Variants in SDHAF3 observed in about 807,000 individuals in gnomAD.
SDHAF3 encodes succinate dehydrogenase complex assembly factor 3.
In SDHAF3, 18 loss-of-function variants were observed where a neutral mutation model predicts 11.5. The observed-to-expected ratio is 1.56, with a 90% CI of 1.08 to 2.32. SDHAF3 has a LOEUF of 2.32. SDHAF3 is among the 30% of genes most tolerant of loss of function. SDHAF3 has a pLI of 0.00. For synonymous variants in SDHAF3, 72 were observed against 59.3 expected, an observed-to-expected ratio of 1.21 and a Z score of -0.99; for missense variants, 200 against 154.4, an observed-to-expected ratio of 1.30 and a Z score of -1.57.
intron 1 of SDHAF3, among the ~76,000 whole-genome samples, chr7:97,131,730 T>G (rs1168739877): frequency 6.6e-6 from 1 of 152,158 alleles, no homozygotes; most frequent in Non-Finnish European, 1.5e-5. Context: ...AAAGAACTTA[T>G]TTAGCTCAAT....
intron 1 of SDHAF3, among the ~76,000 whole-genome samples, chr7:97,139,084 T>C (rs1584215795): frequency 1.3e-5 from 2 of 152,370 alleles, no homozygotes; most frequent in East Asian, 1.9e-4. Flanking sequence ...TGCATCTCAC[T>C]GCATGGGGGC....
chr7:97,152,763 C>T (rs576804057), intron 1 of SDHAF3, among the ~76,000 whole-genome samples: 10 of 152,324 alleles, frequency 6.6e-5, no homozygotes, highest in African/African-American at 2.4e-4. Context: ...GATCCTTGTG[C>T]CTCAGCCTCC....
chr7:97,146,978 T>C (rs1178503391), intron 1 of SDHAF3, among the ~76,000 whole-genome samples: 4 of 152,132 alleles, frequency 2.6e-5, no homozygotes, highest in African/African-American at 7.2e-5. Context: ...CCTGACCTCG[T>C]GATCCACCCA....
chr7:97,127,773 C>T (rs1306372980), intron 1 of SDHAF3, among the ~76,000 whole-genome samples: 1 of 152,058 alleles, frequency 6.6e-6, no homozygotes, highest in African/African-American at 2.4e-5. Flanking sequence ...GATACATTTC[C>T]CAAGTATGAG....
chr7:97,132,312 CTTG>C (rs1345311984), intron 1 of SDHAF3, among the ~76,000 whole-genome samples: 3 of 152,102 alleles, frequency 2.0e-5, no homozygotes, highest in African/African-American at 7.2e-5. Context: ...TGTATGATTT[CTTG>C]TTGAGTTTTG....
intron 1 of SDHAF3, among the ~76,000 whole-genome samples, chr7:97,126,006 T>C (rs1229120384): frequency 2.0e-5 from 3 of 152,230 alleles, no homozygotes; most frequent in African/African-American, 7.2e-5. Context: ...GGGTCTTTTT[T>C]GTTGCTGTTC....
At chr7:97,172,470 C>T (rs1297575256) in intron 1 of SDHAF3, among the ~76,000 whole-genome samples, 1 of 152,140 alleles carries the variant, frequency 6.6e-6, no homozygotes, top group Non-Finnish European at 1.5e-5. Context: ...TATCACCTTT[C>T]CATATTCAAA....
intron 1 of SDHAF3, among the ~76,000 whole-genome samples, chr7:97,148,945 T>TC (rs1789176124): frequency 6.6e-6 from 1 of 151,650 alleles, no homozygotes; most frequent in African/African-American, 2.4e-5. Flanking sequence ...TTTTTTTTTT[T>TC]CTGAAACAGG....
At chr7:97,165,927 T>C (rs989477808) in intron 1 of SDHAF3, among the ~76,000 whole-genome samples, 1 of 152,214 alleles carries the variant, frequency 6.6e-6, no homozygotes, top group African/African-American at 2.4e-5. Context: ...TTGAGGACTT[T>C]GCTGTCAACA....
Position 97,177,930 on chromosome 7 carries a change from CCTCTT to C in SDHAF3, c.175-3076_175-3072del, listed in dbSNP as rs1448004809. 1.3e-4 allele frequency among the ~76,000 whole-genome samples: 20 copies of C among 152,218 alleles called. No homozygotes were observed. The South Asian group carries it at 2.5e-3, about 19-fold the overall frequency. ...CTCAGGCACTGGTCTCCATTGATTGCCTCTTCTCTTAACTGTGTTTGTAATAATTT... is the reference window on the plus strand; with the variant it reads ...CTCAGGCACTGGTCTCCATTGATTGCCTCTTAACTGTGTTTGTAATAATTT... On this transcript the variant is annotated intron_variant, in intron 1 of 1. Coordinates refer to ENST00000432641, the MANE Select transcript of SDHAF3 (RefSeq NM_020186.3).
In SDHAF3 at chr7:97,178,861, TTTG is replaced by T. The variant is rs1304405499; in HGVS notation, c.175-2141_175-2139del. ...TAATTTTGATACTGTCCAGTTTATTTTTGTTGTTGTTGCTTGGGCTTTTGGTGT... is the reference window on the plus strand; with the variant it reads ...TAATTTTGATACTGTCCAGTTTATTTTTGTTGTTGCTTGGGCTTTTGGTGT... On this transcript the variant is annotated intron_variant, in intron 1 of 1. Transcript: ENST00000432641. Among the ~76,000 whole-genome samples the T allele has an allele frequency of 3.3e-5, 5 of 152,316 alleles. No homozygotes were observed. In the South Asian group the frequency reaches 1.0e-3, roughly 32 times the overall value.
chr7:97,151,163 T>G (rs1181767703), intron 1 of SDHAF3, among the ~76,000 whole-genome samples: 1 of 152,116 alleles, frequency 6.6e-6, no homozygotes, highest in East Asian at 1.9e-4. Context: ...TACTGCACAC[T>G]CCGAAGTTTC....
At chr7:97,127,111 C>T (rs147849701) in intron 1 of SDHAF3, among the ~76,000 whole-genome samples, 12 of 152,282 alleles carry the variant, frequency 7.9e-5, no homozygotes, top group East Asian at 3.9e-4. Flanking sequence ...TGCTTCTGCT[C>T]GCCCTCCATG....
intron 1 of SDHAF3, among the ~76,000 whole-genome samples, chr7:97,138,777 G>A (rs1290154247): frequency 6.6e-6 from 1 of 152,242 alleles, no homozygotes; most frequent in Non-Finnish European, 1.5e-5. Flanking sequence ...AGATATTTTA[G>A]CTTTAATGTT....
chr7:97,128,112 G>T (rs920886544), intron 1 of SDHAF3, among the ~76,000 whole-genome samples: 2 of 151,700 alleles, frequency 1.3e-5, no homozygotes, highest in Non-Finnish European at 2.9e-5. Context: ...TGGCCAGGCT[G>T]GTCTCAAACT....
chr7:97,136,138 C>G (rs1791765276), intron 1 of SDHAF3, among the ~76,000 whole-genome samples: 1 of 152,084 alleles, frequency 6.6e-6, no homozygotes, highest in South Asian at 2.1e-4. Context: ...GCTGTTAGGA[C>G]AAAGACTAAT....
intron 1 of SDHAF3, among the ~76,000 whole-genome samples, chr7:97,140,343 A>ATT (rs67929691): frequency 0.23 from 26,073 of 112,390 alleles, 4,105 homozygotes; most frequent in African/African-American, 0.27. Flanking sequence ...TTTTGGTAGT[A>ATT]TTTTTTTTTT....
intron 1 of SDHAF3, among the ~76,000 whole-genome samples, chr7:97,119,812 A>G (rs80061795): frequency 0.025 from 3,815 of 152,140 alleles, 147 homozygotes; most frequent in African/African-American, 0.088. Flanking sequence ...ATGTATCTCA[A>G]TTTGAGTTTG....
intron 1 of SDHAF3, among the ~76,000 whole-genome samples, chr7:97,177,048 T>C (rs955587516): frequency 1.3e-5 from 2 of 152,128 alleles, no homozygotes; most frequent in Non-Finnish European, 2.9e-5. Context: ...GTAAATGATA[T>C]ATATATTTTT....
Sources: allele counts gnomAD v4.1 joint callset (sites outside exome capture counted in the v4.1 genomes callset), GRCh38; gene constraint gnomAD v4.1.1; transcripts MANE v1.5; gene names NCBI Gene and HGNC (gene_info 2026-07-23, HGNC 2026-07-21).